PKHD1: variants seen among roughly 807,000 people sequenced by gnomAD.
PKHD1 encodes the protein PKHD1 ciliary IPT domain containing fibrocystin/polyductin, also known as fibrocystin.
In PKHD1, 291 loss-of-function variants were observed where a neutral mutation model predicts 412.0. The observed-to-expected ratio is 0.71, with a 90% CI of 0.64 to 0.78. The LOEUF is 0.78. PKHD1 is among the 30% of genes least tolerant of loss of function. The pLI, the probability that PKHD1 is intolerant of heterozygous loss-of-function variation, is 0.00. For synonymous variants in PKHD1, 1,777 were observed against 1,821.5 expected (o/e 0.98, Z 0.62); for missense variants, 4,825 against 4,950.7 (o/e 0.97, Z 0.76).
At chr6:51,745,609 C>T (rs974896808) in intron 59 of PKHD1, among the ~76,000 whole-genome samples, 3 of 152,030 alleles carry the variant, frequency 2.0e-5, no homozygotes, top group Non-Finnish European at 2.9e-5. Context: ...GAGGCTGAGG[C>T]GGGAGGATCA....
intron 35 of PKHD1, among the ~76,000 whole-genome samples, chr6:51,988,293 A>T (rs1796452841): frequency 6.6e-6 from 1 of 152,250 alleles, no homozygotes; most frequent in Non-Finnish European, 1.5e-5. Flanking sequence ...TTTATGCCTC[A>T]ATATATAAGA....
In PKHD1 at chr6:51,702,845, C is replaced by G. The variant is rs1582169715; in HGVS notation, c.10156+41540G>C. On this transcript the variant is annotated intron_variant, in intron 60 of 66. Transcript: ENST00000371117. The stretch of plus-strand genomic sequence containing the variant: ...GAGAAAGAAAAAGGAATAGATAATT[C>G]AAATGTACCAAATTTTTTCTGGGAT... 2.0e-5 allele frequency among the ~76,000 whole-genome samples: 3 copies of G among 147,346 alleles called. No homozygotes were observed. In the South Asian group the frequency reaches 6.4e-4, roughly 31 times the overall value.
In PKHD1 at chr6:52,022,924, C is replaced by T; in HGVS notation, c.5257G>A (p.Val1753Met). 1 of 1,614,128 alleles carries T rather than the reference C, an allele frequency of 6.2e-7. No individual in the cohort carries two copies. Among genetic ancestry groups the T allele is most frequent in the African/African-American group, 1.3e-5 (1 of 75,014 alleles). ...GAAAATCCCGCTCCAAACACATGCA[C>T]CAGCCTTCCACCCAGGCAGCCTTTA... ...ENFGCLGGRLVHVFGAGFSPG... is the reference protein window; with the variant it reads ...ENFGCLGGRLMHVFGAGFSPG... The change falls in exon 33 of 67, where the codon GTG (valine) becomes ATG (methionine). Residue 1753 changes from valine to methionine, a missense_variant. Transcript: ENST00000371117.
chr6:51,763,131 C>T (rs1422855088), intron 55 of PKHD1, among the ~76,000 whole-genome samples: 1 of 152,008 alleles, frequency 6.6e-6, no homozygotes, highest in African/African-American at 2.4e-5. Context: ...TGGAATCAGA[C>T]AAATCAGGGT....
intron 20 of PKHD1, among the ~76,000 whole-genome samples, chr6:52,053,752 T>C (rs1187030819): frequency 1.3e-5 from 2 of 152,204 alleles, no homozygotes; most frequent in Non-Finnish European, 2.9e-5. Flanking sequence ...AAATTTCCTC[T>C]TTCTGTCATG....
chr6:52,031,091 T>C (rs922438980), intron 29 of PKHD1, among the ~76,000 whole-genome samples: 5 of 152,228 alleles, frequency 3.3e-5, no homozygotes, highest in African/African-American at 4.8e-5. Context: ...TATTGGTGCT[T>C]ACTCTATGTC....
intron 50 of PKHD1, among the ~76,000 whole-genome samples, chr6:51,841,627 A>G (rs1258788850): frequency 2.0e-5 from 3 of 152,194 alleles, no homozygotes; most frequent in Non-Finnish European, 4.4e-5. Context: ...AAATTAATTT[A>G]TTAACTAGAA....
intron 3 of PKHD1, 87 bp downstream of exon 3, chr6:52,083,091 A>C: frequency 1.1e-6 from 1 of 934,866 alleles, no homozygotes. Context: ...ACCTGTCCTT[A>C]GAAAAGGAAG....
Position 51,659,939 on chromosome 6 carries a change from T to C in PKHD1, c.10187A>G (p.Tyr3396Cys), listed in dbSNP as rs771481153. 5 of 1,610,240 alleles carry C rather than the reference T, an allele frequency of 3.1e-6. No individual in the cohort carries two copies. In the Admixed American group the frequency reaches 8.4e-5, roughly 27 times the overall value. ...GATGAATCCTTGCATCAGAAATTGGTATGTACATTTCTGTTCTTCTCTAAA... is the reference window on the plus strand; with the variant it reads ...GATGAATCCTTGCATCAGAAATTGGCATGTACATTTCTGTTCTTCTCTAAA... ...GTFREEQKCTYQFLMQGFICK... is the reference protein window; with the variant it reads ...GTFREEQKCTCQFLMQGFICK... The change falls in exon 61 of 67, where the codon TAC becomes TGC. Residue 3396 changes from tyrosine to cysteine, a missense_variant. By Grantham distance (194) the Tyr-to-Cys change is radical (BLOSUM62 -2). Coordinates refer to ENST00000371117, the MANE Select transcript of PKHD1 (RefSeq NM_138694.4).
rs373795139 is a variant in PKHD1 at position 51,903,669 on chromosome 6, G to C, written c.6924C>G (p.Ala2308=). 3 of 1,610,342 alleles carry C rather than the reference G, an allele frequency of 1.9e-6. No homozygotes were observed. Among genetic ancestry groups the C allele is most frequent in the Non-Finnish European group, 2.5e-6 (3 of 1,177,032 alleles). The part of the protein sequence containing the change: ...RNNVIIQVSG[A]EGLSNPEMLT... Reference sequence around the variant, plus strand: ...ACATTTCAGGATTGGAGAGTCCCTCGGCACCAGAAACCTGGATGATCACGT... The same window carrying C: ...ACATTTCAGGATTGGAGAGTCCCTCCGCACCAGAAACCTGGATGATCACGT... The change falls in exon 43 of 67, where the codon GCC becomes GCG. Residue 2308 remains alanine (A), a synonymous_variant. Transcript: ENST00000371117.
intron 4 of PKHD1, among the ~76,000 whole-genome samples, chr6:52,081,362 A>G (rs1217116191): frequency 6.6e-6 from 1 of 152,212 alleles, no homozygotes; most frequent in African/African-American, 2.4e-5. Flanking sequence ...CATTTATTGA[A>G]CATCCTCTAC....
chr6:51,749,439 G>GT (rs1785728514), intron 57 of PKHD1, among the ~76,000 whole-genome samples: 1 of 152,086 alleles, frequency 6.6e-6, no homozygotes, highest in Non-Finnish European at 1.5e-5. Flanking sequence ...CACCCAGTAA[G>GT]TTGATTTAAA....
rs561463671 is a variant in PKHD1 at position 51,945,349 on chromosome 6, G to A, written c.5909-11027C>T. Among the ~76,000 whole-genome samples, 51 of 152,300 alleles carry A rather than the reference G, an allele frequency of 3.3e-4. 1 individual carries two copies. In the South Asian group the frequency reaches 0.01, roughly 30 times the overall value. ...GCTATTGACCTCTGAATGAGCCTCA[G>A]TAAGTCCCATACAATTGCTGGGCCT... On this transcript the variant is annotated intron_variant, in intron 36 of 66. Coordinates refer to ENST00000371117, the MANE Select transcript of PKHD1 (RefSeq NM_138694.4).
At chr6:51,794,909 T>C (rs533990480) in intron 52 of PKHD1, among the ~76,000 whole-genome samples, 18 of 152,296 alleles carry the variant, frequency 1.2e-4, no homozygotes, top group African/African-American at 4.3e-4. Flanking sequence ...CCATGCTGTT[T>C]GGTTATGCTG....
chr6:52,080,718 A>G (rs1247365768), intron 4 of PKHD1, among the ~76,000 whole-genome samples: 3 of 152,206 alleles, frequency 2.0e-5, no homozygotes, highest in South Asian at 2.1e-4. Context: ...GGGTAGTCCC[A>G]ATTAAGATAT....
chr6:51,847,108 C>T (rs542608114), intron 50 of PKHD1, among the ~76,000 whole-genome samples: 12 of 151,988 alleles, frequency 7.9e-5, no homozygotes, highest in East Asian at 1.9e-4. Context: ...TACAGGCATG[C>T]GCCACCACAC....
chr6:51,899,759 T>C (rs973505449), intron 43 of PKHD1, among the ~76,000 whole-genome samples: 1 of 152,234 alleles, frequency 6.6e-6, no homozygotes, highest in Non-Finnish European at 1.5e-5. Context: ...ATTGTATATC[T>C]GGAAAGCCCC....
At chr6:51,839,850 T>C (rs942865524) in intron 50 of PKHD1, among the ~76,000 whole-genome samples, 3 of 151,900 alleles carry the variant, frequency 2.0e-5, no homozygotes, top group Admixed American at 2.0e-4. Flanking sequence ...ATTTATCTAG[T>C]GTGTCAGCCA....
intron 35 of PKHD1, among the ~76,000 whole-genome samples, chr6:51,978,124 T>A (rs1249635666): frequency 6.6e-6 from 1 of 151,900 alleles, no homozygotes; most frequent in African/African-American, 2.4e-5. Flanking sequence ...GCCCTACTCA[T>A]CTCTCCTCTC....
Sources: allele counts gnomAD v4.1 joint callset (sites outside exome capture counted in the v4.1 genomes callset), GRCh38; gene constraint gnomAD v4.1.1; transcripts MANE v1.5; gene names NCBI Gene and HGNC (gene_info 2026-07-23, HGNC 2026-07-21).